WDHD1: variants seen among roughly 807,000 people sequenced by gnomAD.
WDHD1 encodes the protein WD repeat and HMG-box DNA-binding protein 1.
A neutral mutation model predicts 135.4 loss-of-function variants in WDHD1; 111 were observed. The ratio of observed to expected loss-of-function variants is 0.82; its 90% CI spans 0.70 to 0.96. The LOEUF is 0.96. Ranked by LOEUF, WDHD1 falls within the 40% of genes least tolerant of loss-of-function variation. The pLI, the probability that WDHD1 is intolerant of heterozygous loss-of-function variation, is 0.00. For synonymous variants in WDHD1, 434 were observed against 439.0 expected (o/e 0.99, Z 0.14); for missense variants, 1,351 against 1,336.3 (o/e 1.01, Z -0.17).
At chr14:55,013,402 T>C (rs2042206327) in intron 3 of WDHD1, 83 bp downstream of exon 3, 3 of 883,000 alleles carry the variant, frequency 3.4e-6, no homozygotes, top group East Asian at 2.6e-5. Context: ...GGTATATCTA[T>C]ATTCAAAAAT....
chr14:55,010,162 CA>C, intron 4 of WDHD1, 146 bp downstream of exon 4: 1 of 880,022 alleles, frequency 1.1e-6, no homozygotes. Flanking sequence ...AGTTTGTCCT[CA>C]AAAACCTTTA....
At chr14:54,950,465 T>C (rs1302225468) in intron 24 of WDHD1, among the ~76,000 whole-genome samples, 1 of 152,080 alleles carries the variant, frequency 6.6e-6, no homozygotes, top group Non-Finnish European at 1.5e-5. Flanking sequence ...TAAATATATA[T>C]GCACCCAATA....
intron 24 of WDHD1, among the ~76,000 whole-genome samples, chr14:54,954,305 C>A (rs1325486049): frequency 6.6e-6 from 1 of 151,842 alleles, no homozygotes; most frequent in Non-Finnish European, 1.5e-5. Context: ...TAAATAAATA[C>A]AAAGAAATCC....
At chr14:54,957,433 GA>G (rs2041178986) in intron 22 of WDHD1, among the ~76,000 whole-genome samples, 158 bp downstream of exon 22, 1 of 152,192 alleles carries the variant, frequency 6.6e-6, no homozygotes, top group Non-Finnish European at 1.5e-5. Flanking sequence ...AAGGTAAGTA[GA>G]AAAGACAACT....
intron 7 of WDHD1, 44 bp downstream of exon 7, chr14:55,007,236 A>AT: frequency 7.1e-7 from 1 of 1,412,932 alleles, no homozygotes; most frequent in Non-Finnish European, 9.5e-7. Flanking sequence ...TCTAATAAAA[A>AT]AAAAAAAAAA....
chr14:54,956,716 C>G (rs1186316230), intron 23 of WDHD1, among the ~76,000 whole-genome samples: 1 of 152,044 alleles, frequency 6.6e-6, no homozygotes, highest in Non-Finnish European at 1.5e-5. Flanking sequence ...ACTCACGAGG[C>G]AGAATAGGGA....
chr14:54,971,600 C>T (rs2140178098), intron 16 of WDHD1, among the ~76,000 whole-genome samples: 1 of 149,830 alleles, frequency 6.7e-6, no homozygotes, highest in South Asian at 2.1e-4. Flanking sequence ...AATGGAAAGA[C>T]ATTTGCAGAT....
intron 15 of WDHD1, among the ~76,000 whole-genome samples, chr14:54,982,343 T>G (rs1429616909): frequency 6.6e-6 from 1 of 152,114 alleles, no homozygotes; most frequent in Non-Finnish European, 1.5e-5. Flanking sequence ...AGTAAAAAAT[T>G]AAACATGAAT....
intron 7 of WDHD1, among the ~76,000 whole-genome samples, chr14:55,006,911 G>A (rs1486564890): frequency 6.6e-6 from 1 of 151,870 alleles, no homozygotes; most frequent in Non-Finnish European, 1.5e-5. Context: ...AGTTGAAAAG[G>A]ACTGAATAAA....
At chr14:55,010,230 T>C (rs2042145753) in intron 4 of WDHD1, 79 bp downstream of exon 4, 1 of 1,359,528 alleles carries the variant, frequency 7.4e-7, no homozygotes, top group African/African-American at 1.5e-5. Context: ...GTCACGGTCC[T>C]GAAAACACTA....
In WDHD1 at chr14:54,987,706, G is replaced by A. The variant is rs149020725; in HGVS notation, c.1527-319C>T. On this transcript the variant is annotated intron_variant, in intron 13 of 25. Coordinates refer to ENST00000360586, the MANE Select transcript of WDHD1 (RefSeq NM_007086.4). ...GTGATCTCTGCTCACTGCAACCTCC[G>A]CCTCCCAGGTTCAAGCAATTCTCCT... Among the ~76,000 whole-genome samples the A allele has an allele frequency of 6.7e-3, 1,019 of 151,932 alleles. 7 individuals carry two copies. The highest frequency in any genetic ancestry group is 0.024 in the African/African-American group (978 of 41,418).
intron 24 of WDHD1, among the ~76,000 whole-genome samples, chr14:54,954,056 G>A (rs923474231): frequency 6.6e-6 from 1 of 151,392 alleles, no homozygotes; most frequent in Admixed American, 6.6e-5. Context: ...TGGCACATGT[G>A]TACATATGTA....
chr14:55,006,196 T>C (rs140464187), intron 7 of WDHD1, among the ~76,000 whole-genome samples: 32 of 152,324 alleles, frequency 2.1e-4, no homozygotes, highest in African/African-American at 6.3e-4. Context: ...ATCAAAACTA[T>C]AGATTAATTT....
chr14:54,981,815 C>A, intron 15 of WDHD1, 119 bp from the exon 16 acceptor site: 1 of 546,194 alleles, frequency 1.8e-6, no homozygotes, highest in Admixed American at 3.7e-5. Context: ...AAACACAAAA[C>A]AGAAGCAAAT....
At chr14:54,945,329 AC>A (rs1312503950) in intron 24 of WDHD1, among the ~76,000 whole-genome samples, 1 of 152,214 alleles carries the variant, frequency 6.6e-6, no homozygotes, top group Non-Finnish European at 1.5e-5. Flanking sequence ...TTTAACATTT[AC>A]TGATCACTTA....
chr14:54,963,071 C>A lies in WDHD1; in HGVS notation c.2412G>T (p.Arg804=), dbSNP rs774885295. ...NLAIKYASRS[R]KLILAQKLSE... ...TTAGTTTTTGAGCCAGTATTAATTTCCGAGAGCGAGAAGCATATTTAATGG... is the reference window on the plus strand; with the variant it reads ...TTAGTTTTTGAGCCAGTATTAATTTACGAGAGCGAGAAGCATATTTAATGG... The change falls in exon 19 of 26, where the codon CGG becomes CGT. Residue 804 remains arginine, a synonymous_variant. Transcript: ENST00000360586. The A allele has an allele frequency of 1.2e-6, 2 of 1,612,030 alleles. No individual in the cohort carries two copies. Among genetic ancestry groups the A allele is most frequent in the Admixed American group, 3.4e-5 (2 of 59,618 alleles).
intron 13 of WDHD1, among the ~76,000 whole-genome samples, chr14:54,988,633 T>TA (rs2041732139): frequency 6.6e-6 from 1 of 152,030 alleles, no homozygotes; most frequent in Non-Finnish European, 1.5e-5. Context: ...ATAGCAGTTA[T>TA]ATCTGAGAGT....
At chr14:54,958,579 T>C (rs1461104014) in intron 21 of WDHD1, among the ~76,000 whole-genome samples, 1 of 152,218 alleles carries the variant, frequency 6.6e-6, no homozygotes, top group African/African-American at 2.4e-5. Context: ...TCAAATCTGG[T>C]GGATACCTTT....
intron 10 of WDHD1, 76 bp downstream of exon 10, chr14:55,000,419 AAGTAAGGC>A: frequency 7.4e-7 from 1 of 1,358,846 alleles, no homozygotes; most frequent in Non-Finnish European, 9.6e-7. Context: ...TTTTCCAAGA[AAGTAAGGC>A]AGTTTGTGGT....
Sources: gnomAD v4.1 joint callset for allele counts (sites outside exome capture counted in the v4.1 genomes callset) on GRCh38, gnomAD v4.1.1 for gene constraint, MANE v1.5 for transcripts, NCBI Gene and HGNC (gene_info 2026-07-23, HGNC 2026-07-21) for gene names.